Variants in DRC10 observed in about 807,000 individuals in gnomAD.
DRC10 encodes dynein regulatory complex subunit 10.
At chr12:113,220,657 T>C in the DRC10 span, among the ~76,000 whole-genome samples, 2 of 152,120 alleles carry the variant, frequency 1.3e-5, no homozygotes, top group African/African-American at 4.8e-5. Flanking sequence ...TTGGGTGAAA[T>C]GGGAGGGGAC....
At chr12:113,219,878 G>A in the DRC10 span, among the ~76,000 whole-genome samples, 2 of 152,004 alleles carry the variant, frequency 1.3e-5, no homozygotes, top group African/African-American at 2.4e-5. Flanking sequence ...GCACGATCTC[G>A]GCTCGCTGCA....
chr12:113,218,294 G>A, the DRC10 span, among the ~76,000 whole-genome samples: 24 of 150,680 alleles, frequency 1.6e-4, no homozygotes, highest in South Asian at 3.3e-3. Flanking sequence ...GCGCCACCAC[G>A]CGCAGCTAAT....
chr12:113,200,697 G>A, the DRC10 span: 104 of 1,536,168 alleles, frequency 6.8e-5, no homozygotes, highest in African/African-American at 8.9e-4. Flanking sequence ...CCCGGAAATC[G>A]GCCTTCTGCT....
chr12:113,200,300 A>C, the DRC10 span: 1 of 596,320 alleles, frequency 1.7e-6, no homozygotes, highest in Non-Finnish European at 3.1e-6. Context: ...GAACTTGCCC[A>C]AGGTCACAAA....
At chr12:113,216,336 A>G in the DRC10 span, among the ~76,000 whole-genome samples, 39 of 152,312 alleles carry the variant, frequency 2.6e-4, no homozygotes, top group South Asian at 6.2e-3. Context: ...AAAACTATGG[A>G]GATAGTAAAA....
the DRC10 span, chr12:113,220,956 A>T: frequency 2.9e-6 from 1 of 350,328 alleles, no homozygotes; most frequent in South Asian, 2.1e-5. Context: ...CCTATTCCAC[A>T]TCTCCCCCGA....
At chr12:113,219,070 C>G in the DRC10 span, among the ~76,000 whole-genome samples, 1 of 152,190 alleles carries the variant, frequency 6.6e-6, no homozygotes, top group African/African-American at 2.4e-5. Flanking sequence ...GGGTCTCACT[C>G]TGTCACATAG....
At chr12:113,207,576 T>C in the DRC10 span, 1 of 1,614,002 alleles carries the variant, frequency 6.2e-7, no homozygotes, top group Non-Finnish European at 8.5e-7. Context: ...TAGTGAGTAG[T>C]TTTTCAAACA....
the DRC10 span, chr12:113,195,993 A>ATATAAGATGC: frequency 1.4e-6 from 2 of 1,455,016 alleles, no homozygotes; most frequent in African/African-American, 2.8e-5. Context: ...TGCCCCAGCG[A>ATATAAGATGC]TGCCCCTAAG....
the DRC10 span, among the ~76,000 whole-genome samples, chr12:113,213,454 T>C: frequency 1.7e-4 from 26 of 152,362 alleles, no homozygotes; most frequent in African/African-American, 6.3e-4. Flanking sequence ...GAGAACTTAC[T>C]GTGTAGCAGA....
At chr12:113,210,748 C>T in the DRC10 span, among the ~76,000 whole-genome samples, 6 of 148,878 alleles carry the variant, frequency 4.0e-5, no homozygotes, top group South Asian at 2.2e-4. Flanking sequence ...TTATCCTGTT[C>T]GTTCTCCAGG....
chr12:113,218,501 G>T, the DRC10 span, among the ~76,000 whole-genome samples: 1 of 151,482 alleles, frequency 6.6e-6, no homozygotes, highest in Non-Finnish European at 1.5e-5. Context: ...GAGTGCAGCA[G>T]TGCAACCATG....
chr12:113,207,708 C>T, the DRC10 span: 211 of 1,614,066 alleles, frequency 1.3e-4, no homozygotes, highest in Admixed American at 3.5e-4. Flanking sequence ...TAAGGACGTT[C>T]TTGGTGGAGT....
chr12:113,207,679 G>T, the DRC10 span: 1 of 1,614,074 alleles, frequency 6.2e-7, no homozygotes, highest in Non-Finnish European at 8.5e-7. Context: ...AGCAGCCTGG[G>T]GGTTGCTGAG....
At chr12:113,218,404 A>G in the DRC10 span, among the ~76,000 whole-genome samples, 19 of 151,688 alleles carry the variant, frequency 1.3e-4, no homozygotes, top group Non-Finnish European at 2.4e-4. Context: ...TTGGCCTCCC[A>G]AAGTGCTGGG....
At chr12:113,209,719 C>A in the DRC10 span, among the ~76,000 whole-genome samples, 3 of 152,206 alleles carry the variant, frequency 2.0e-5, no homozygotes, top group African/African-American at 7.2e-5. Context: ...TCAAGGTTAT[C>A]TAAGATGTTA....
chr12:113,215,384 C>G, the DRC10 span, among the ~76,000 whole-genome samples: 1 of 152,256 alleles, frequency 6.6e-6, no homozygotes, highest in Non-Finnish European at 1.5e-5. Flanking sequence ...ACTTTTAGTA[C>G]TACTTCAAAA....
chr12:113,195,717 G>A, the DRC10 span: 183 of 1,613,738 alleles, frequency 1.1e-4, no homozygotes, highest in Middle Eastern at 1.2e-3. Flanking sequence ...GAGCGTGGCC[G>A]CCCGTACCAT....
At chr12:113,221,078 G>A in the DRC10 span, 2 of 434,862 alleles carry the variant, frequency 4.6e-6, no homozygotes, top group African/African-American at 2.0e-5. Flanking sequence ...AATCTCAGAA[G>A]GCGAGACTCG....
Sources: allele counts gnomAD v4.1 joint callset (sites outside exome capture counted in the v4.1 genomes callset), GRCh38; gene constraint gnomAD v4.1.1; transcripts MANE v1.5; gene names NCBI Gene and HGNC (gene_info 2026-07-23, HGNC 2026-07-21).